The following SHISA9 variants were observed in gnomAD, a reference collection of about 807,000 sequenced individuals.
SHISA9 encodes the protein shisa family member 9.
A neutral mutation model predicts 38.0 loss-of-function variants in SHISA9; 13 were observed. That is an observed-to-expected ratio of 0.34 (90% CI 0.22 to 0.54). The LOEUF is 0.54. SHISA9 is among the 20% of genes least tolerant of loss of function. SHISA9 has a pLI of 0.91. For synonymous variants in SHISA9, 275 were observed against 242.0 expected, an observed-to-expected ratio of 1.14 and a Z score of -1.27; for missense variants, 538 against 575.8, an observed-to-expected ratio of 0.93 and a Z score of 0.67.
the SHISA9 span, among the ~76,000 whole-genome samples, chr16:13,395,974 A>T: frequency 6.6e-6 from 1 of 152,356 alleles, no homozygotes; most frequent in Admixed American, 6.5e-5. Context: ...CAGAAAAAAA[A>T]TTAATCTCTT....
At chr16:13,458,540 T>G in the SHISA9 span, 1 of 425,782 alleles carries the variant, frequency 2.3e-6, no homozygotes, top group Non-Finnish European at 4.7e-6. Context: ...CTAGTAAAAT[T>G]AACAAATCAA....
chr16:13,034,604 T>C (rs2073031331), intron 2 of SHISA9, among the ~76,000 whole-genome samples: 1 of 152,222 alleles, frequency 6.6e-6, no homozygotes, highest in Non-Finnish European at 1.5e-5. Context: ...CCATGCATAC[T>C]CTTTTCCATG....
intron 2 of SHISA9, among the ~76,000 whole-genome samples, chr16:13,146,857 G>C (rs1368918372): frequency 6.6e-6 from 1 of 152,166 alleles, no homozygotes; most frequent in Non-Finnish European, 1.5e-5. Flanking sequence ...TTCAGATATA[G>C]ATTATGGGAC....
At chr16:13,302,007 C>A in the SHISA9 span, among the ~76,000 whole-genome samples, 2 of 152,030 alleles carry the variant, frequency 1.3e-5, no homozygotes, top group African/African-American at 4.8e-5. Context: ...GAATGGTGGG[C>A]CCAGAGTGAG....
chr16:13,533,929 G>A, the SHISA9 span, among the ~76,000 whole-genome samples: 5 of 151,692 alleles, frequency 3.3e-5, no homozygotes, highest in African/African-American at 4.8e-5. Context: ...GACTACAGGC[G>A]CCTGCCACTG....
chr16:13,224,155 A>C (rs919514373), intron 4 of SHISA9, among the ~76,000 whole-genome samples: 3 of 152,206 alleles, frequency 2.0e-5, no homozygotes, highest in African/African-American at 7.2e-5. Context: ...GTGAGCAATT[A>C]CTCAGTTTGC....
chr16:13,192,724 A>G (rs868041088), intron 2 of SHISA9, among the ~76,000 whole-genome samples: 11 of 152,016 alleles, frequency 7.2e-5, no homozygotes, highest in African/African-American at 2.4e-4. Context: ...AAATACAAAA[A>G]ATTACCCGGG....
At chr16:13,553,721 C>A in the SHISA9 span, among the ~76,000 whole-genome samples, 14 of 152,184 alleles carry the variant, frequency 9.2e-5, no homozygotes, top group African/African-American at 3.4e-4. Flanking sequence ...AAGAAAATTT[C>A]TTGTGGCTTC....
At chr16:13,387,670 A>G in the SHISA9 span, among the ~76,000 whole-genome samples, 1 of 151,862 alleles carries the variant, frequency 6.6e-6, no homozygotes, top group Non-Finnish European at 1.5e-5. Context: ...TTGTATTTTT[A>G]GTAGAGACAA....
the SHISA9 span, among the ~76,000 whole-genome samples, chr16:13,369,138 C>T: frequency 1.3e-5 from 2 of 152,060 alleles, no homozygotes; most frequent in Non-Finnish European, 2.9e-5. Flanking sequence ...GAATAATGTG[C>T]TCAGTGTGAT....
the SHISA9 span, among the ~76,000 whole-genome samples, chr16:13,259,906 C>A: frequency 6.6e-6 from 1 of 151,990 alleles, no homozygotes; most frequent in African/African-American, 2.4e-5. Context: ...ACATTTTCCC[C>A]ATGGTCTTGG....
rs1242993683 is a variant in SHISA9 at position 13,015,886 on chromosome 16, CTT to C, written c.691+99073_691+99074del. 2.6e-3 allele frequency among the ~76,000 whole-genome samples: 297 copies of C among 113,426 alleles called. 1 individual carries two copies. Among genetic ancestry groups the C allele is most frequent in the South Asian group, 0.013 (44 of 3,500 alleles). 74.4% of individuals were successfully genotyped at this position (113,426 alleles called of 152,430 possible). A position where few individuals can be genotyped will look rare whatever the true frequency, so the allele number is the denominator to read the frequency against. ...TCTTTCTTTCTTTCTTTCTTTCTTT[CTT>C]TCTTTCTTTCTTTCTTTCTTTTCTT... is the stretch of plus-strand genomic sequence containing the variant. On this transcript the variant is annotated intron_variant, in intron 2 of 4. Coordinates refer to ENST00000558583, the MANE Select transcript of SHISA9 (RefSeq NM_001145204.3).
chr16:13,078,813 G>A (rs2073614180), intron 2 of SHISA9, among the ~76,000 whole-genome samples: 2 of 152,230 alleles, frequency 1.3e-5, no homozygotes, highest in African/African-American at 4.8e-5. Flanking sequence ...TGGAGTCCAT[G>A]TCTCCTCATT....
chr16:13,209,220 G>A (rs1055958864), intron 3 of SHISA9, among the ~76,000 whole-genome samples: 1 of 152,028 alleles, frequency 6.6e-6, no homozygotes, highest in Admixed American at 6.6e-5. Context: ...AGTTATCTGC[G>A]GTCATCATTT....
At chr16:13,479,479 CTA>C in the SHISA9 span, among the ~76,000 whole-genome samples, 1 of 152,144 alleles carries the variant, frequency 6.6e-6, no homozygotes, top group Admixed American at 6.6e-5. Flanking sequence ...TAAACTGACT[CTA>C]GGAGATGTCA....
In SHISA9 at chr16:12,949,737, T is replaced by C. The variant is rs758372088; in HGVS notation, c.691+32922T>C. ...TTATTTTTTATATTATCTTTTTAAT[T>C]GAGGCATAATAATTGTACATATTTG... On this transcript the variant is annotated intron_variant, in intron 2 of 4. Coordinates refer to ENST00000558583, the MANE Select transcript of SHISA9 (RefSeq NM_001145204.3). Among the ~76,000 whole-genome samples, 30 of 152,332 alleles carry C rather than the reference T, an allele frequency of 2.0e-4. 1 individual carries two copies. The highest frequency in any genetic ancestry group is 3.4e-3 in the Middle Eastern group (1 of 294).
At chr16:13,132,471 A>G (rs1373707191) in intron 2 of SHISA9, among the ~76,000 whole-genome samples, 1 of 152,084 alleles carries the variant, frequency 6.6e-6, no homozygotes. Flanking sequence ...TTTGGACTGG[A>G]TAATTCTTTG....
intron 2 of SHISA9, among the ~76,000 whole-genome samples, chr16:13,144,849 C>T (rs1001665737): frequency 2.0e-5 from 3 of 152,046 alleles, no homozygotes; most frequent in African/African-American, 7.2e-5. Flanking sequence ...AAATGAGGCT[C>T]CTCCATCAAC....
chr16:13,344,097 C>T, the SHISA9 span, among the ~76,000 whole-genome samples: 1 of 152,164 alleles, frequency 6.6e-6, no homozygotes, highest in African/African-American at 2.4e-5. Context: ...AGACAAATGA[C>T]AATTTCATCA....
Sources: allele counts gnomAD v4.1 joint callset (sites outside exome capture counted in the v4.1 genomes callset), GRCh38; gene constraint gnomAD v4.1.1; transcripts MANE v1.5; gene names NCBI Gene and HGNC (gene_info 2026-07-23, HGNC 2026-07-21).